RBFOX1: variants seen among roughly 807,000 people sequenced by gnomAD.
RBFOX1 encodes the protein RNA binding fox-1 homolog 1, also known as RNA binding protein fox-1 homolog 1.
In RBFOX1, 8 loss-of-function variants were observed where a neutral mutation model predicts 57.7. That is an observed-to-expected ratio of 0.14 (90% CI 0.08 to 0.25). The LOEUF is 0.25. RBFOX1 is among the 10% of genes least tolerant of loss of function. The pLI is 1.00. For synonymous variants in RBFOX1, 326 were observed against 222.4 expected, an observed-to-expected ratio of 1.47 and a Z score of -4.15; for missense variants, 611 against 548.5, an observed-to-expected ratio of 1.11 and a Z score of -1.14.
chr16:5,530,560 C>G (rs2044426467), intron 2 of RBFOX1, among the ~76,000 whole-genome samples: 1 of 152,212 alleles, frequency 6.6e-6, no homozygotes. Flanking sequence ...TTCTTAACAT[C>G]TACACTGTGG....
intron 4 of RBFOX1, among the ~76,000 whole-genome samples, chr16:7,251,214 A>T (rs752212683): frequency 6.6e-6 from 1 of 151,794 alleles, no homozygotes; most frequent in African/African-American, 2.4e-5. Context: ...TCTATTCCCT[A>T]CTTCTATGAG....
intron 2 of RBFOX1, among the ~76,000 whole-genome samples, chr16:6,487,007 A>T (rs2095497830): frequency 6.6e-6 from 1 of 151,992 alleles, no homozygotes; most frequent in African/African-American, 2.4e-5. Flanking sequence ...TTTAATATAC[A>T]GTGTTTGGTT....
chr16:6,443,991 G>C (rs555218376), intron 2 of RBFOX1, among the ~76,000 whole-genome samples: 2 of 152,118 alleles, frequency 1.3e-5, no homozygotes, highest in Non-Finnish European at 2.9e-5. Flanking sequence ...CTTGGTGATA[G>C]GGATATATAA....
At chr16:7,274,939 C>G (rs1347339751) in intron 4 of RBFOX1, among the ~76,000 whole-genome samples, 1 of 152,124 alleles carries the variant, frequency 6.6e-6, no homozygotes, top group Non-Finnish European at 1.5e-5. Context: ...CTGCCTCGGC[C>G]TCCCAAAGTG....
At chr16:7,196,611 C>T (rs532787309) in intron 4 of RBFOX1, among the ~76,000 whole-genome samples, 1 of 152,238 alleles carries the variant, frequency 6.6e-6, no homozygotes, top group Admixed American at 6.5e-5. Flanking sequence ...TTAGAGGAAA[C>T]CAGGGTCAAT....
At chr16:6,239,958 G>T (rs1002573851) in intron 1 of RBFOX1, among the ~76,000 whole-genome samples, 2 of 152,168 alleles carry the variant, frequency 1.3e-5, no homozygotes, top group African/African-American at 2.4e-5. Flanking sequence ...TGTTTCGGTT[G>T]TGGGAGTGGA....
At chr16:5,299,637 A>T (rs1055870568) in intron 1 of RBFOX1, among the ~76,000 whole-genome samples, 3 of 152,160 alleles carry the variant, frequency 2.0e-5, no homozygotes, top group African/African-American at 7.2e-5. Context: ...ATTGATTTTT[A>T]TATGTTGACT....
chr16:6,060,341 A>G (rs2095669533), intron 1 of RBFOX1, among the ~76,000 whole-genome samples: 1 of 152,072 alleles, frequency 6.6e-6, no homozygotes, highest in South Asian at 2.1e-4. Context: ...TCTAAGTCTT[A>G]CAGTGAGATT....
intron 2 of RBFOX1, among the ~76,000 whole-genome samples, chr16:5,485,463 A>G (rs1173898550): frequency 6.6e-6 from 1 of 151,978 alleles, no homozygotes; most frequent in African/African-American, 2.4e-5. Context: ...GAGTTTACCT[A>G]CCACAATTAG....
Position 6,400,432 on chromosome 16 carries a change from G to A in RBFOX1, c.-64+83375G>A, listed in dbSNP as rs117599616. Among the ~76,000 whole-genome samples the A allele has an allele frequency of 2.2e-4, 34 of 152,196 alleles. No homozygotes were observed. The East Asian group carries it at 4.8e-3, about 22-fold the overall frequency. Reference sequence around the variant, plus strand: ...TGATATCTCAAGGCTTATGGGATCCGGCTAAAAAACAGAGTGAATGTATAG... The same window carrying A: ...TGATATCTCAAGGCTTATGGGATCCAGCTAAAAAACAGAGTGAATGTATAG... On this transcript the variant is annotated intron_variant, in intron 2 of 15. Coordinates refer to ENST00000550418, the MANE Select transcript of RBFOX1 (RefSeq NM_018723.4).
At chr16:5,960,834 C>T (rs891658523) in intron 4 of RBFOX1, among the ~76,000 whole-genome samples, 10 of 152,192 alleles carry the variant, frequency 6.6e-5, no homozygotes, top group Non-Finnish European at 1.5e-4. Flanking sequence ...TTCTTCCCAA[C>T]AGCACAGGAT....
At chr16:6,729,923 C>A (rs182932119) in intron 3 of RBFOX1, among the ~76,000 whole-genome samples, 4 of 152,134 alleles carry the variant, frequency 2.6e-5, no homozygotes, top group African/African-American at 9.6e-5. Context: ...GTACAGGATG[C>A]CCGACTCCGA....
intron 2 of RBFOX1, among the ~76,000 whole-genome samples, chr16:6,338,235 C>T (rs1159952291): frequency 1.3e-5 from 2 of 152,128 alleles, no homozygotes; most frequent in East Asian, 1.9e-4. Context: ...CTGCAACACA[C>T]ACACCTACAC....
chr16:7,341,425 T>A (rs1223258083), intron 4 of RBFOX1, among the ~76,000 whole-genome samples: 1 of 152,018 alleles, frequency 6.6e-6, no homozygotes, highest in East Asian at 1.9e-4. Flanking sequence ...GCTCTGGAGG[T>A]ATTGGGATGA....
chr16:6,108,327 C>G (rs1379731013), intron 1 of RBFOX1, among the ~76,000 whole-genome samples: 1 of 151,986 alleles, frequency 6.6e-6, no homozygotes, highest in Non-Finnish European at 1.5e-5. Flanking sequence ...ATTTGGTACT[C>G]GTGTGACAAT....
intron 4 of RBFOX1, among the ~76,000 whole-genome samples, chr16:7,093,809 A>T (rs1459889751): frequency 1.3e-5 from 2 of 152,056 alleles, no homozygotes; most frequent in Non-Finnish European, 2.9e-5. Flanking sequence ...TTACATGCAC[A>T]TTTCCTCTTT....
chr16:6,648,808 A>T (rs2098553968), intron 2 of RBFOX1, among the ~76,000 whole-genome samples: 2 of 152,188 alleles, frequency 1.3e-5, no homozygotes, highest in Admixed American at 1.3e-4. Context: ...CAGCCTGAGA[A>T]TCTGGGTATT....
chr16:5,772,124 A>T (rs2053999360), intron 3 of RBFOX1, among the ~76,000 whole-genome samples: 1 of 152,078 alleles, frequency 6.6e-6, no homozygotes, highest in Non-Finnish European at 1.5e-5. Flanking sequence ...ATGAGCCGAG[A>T]TCACACCAGC....
At chr16:5,590,015 A>G (rs1411331596) in intron 2 of RBFOX1, among the ~76,000 whole-genome samples, 3 of 151,426 alleles carry the variant, frequency 2.0e-5, no homozygotes, top group Non-Finnish European at 2.9e-5. Context: ...GACTTAGACA[A>G]CAGCCTAGCG....
Sources: allele counts gnomAD v4.1 joint callset (sites outside exome capture counted in the v4.1 genomes callset), GRCh38; gene constraint gnomAD v4.1.1; transcripts MANE v1.5; gene names NCBI Gene and HGNC (gene_info 2026-07-23, HGNC 2026-07-21).